Variants in XKR5 observed in about 807,000 individuals in gnomAD.
XKR5 encodes the protein XK-related protein 5.
XKR5 carries 46 observed loss-of-function variants against 40.8 expected under a neutral mutation model. That is an observed-to-expected ratio of 1.13 (90% confidence interval 0.89 to 1.44). The LOEUF (loss-of-function observed/expected upper bound fraction) is 1.44. Ranked by LOEUF, XKR5 falls within the 40% of genes most tolerant of loss-of-function variation. The pLI is 0.00. For missense variants in XKR5, 1,169 were observed against 844.7 expected (o/e 1.38, Z -4.76); for synonymous variants, 466 against 356.1 (o/e 1.31, Z -3.48).
At chr8:6,818,902 T>G (rs1321353196) in intron 5 of XKR5, among the ~76,000 whole-genome samples, 2 of 152,146 alleles carry the variant, frequency 1.3e-5, no homozygotes, top group South Asian at 4.2e-4. Flanking sequence ...ATTAACCAGG[T>G]ATGGTGGTAT....
intron 4 of XKR5, 81 bp from the exon 5 acceptor site, chr8:6,822,119 G>T: frequency 2.1e-6 from 3 of 1,413,482 alleles, no homozygotes; most frequent in Non-Finnish European, 9.4e-7. Flanking sequence ...CCAGGGGCTG[G>T]AAGGCTCTCC....
chr8:6,827,312 T>A (rs1173152448), intron 2 of XKR5, among the ~76,000 whole-genome samples: 1 of 152,164 alleles, frequency 6.6e-6, no homozygotes, highest in South Asian at 2.1e-4. Flanking sequence ...GAACTAGAGG[T>A]CACTTCAATT....
chr8:6,827,190 C>G (rs913043837), intron 2 of XKR5, among the ~76,000 whole-genome samples: 3 of 152,158 alleles, frequency 2.0e-5, no homozygotes, highest in Non-Finnish European at 4.4e-5. Flanking sequence ...CCACCAATTC[C>G]TCTCTGGGTC....
intron 4 of XKR5, 42 bp downstream of exon 4, chr8:6,823,479 G>T (rs1425301446): frequency 3.2e-6 from 5 of 1,543,456 alleles, no homozygotes; most frequent in East Asian, 2.4e-5. Context: ...TGGGTTGATT[G>T]GTTATGCAGC....
intron 2 of XKR5, among the ~76,000 whole-genome samples, chr8:6,832,131 T>C (rs1244825979): frequency 6.6e-6 from 1 of 152,046 alleles, no homozygotes; most frequent in Non-Finnish European, 1.5e-5. Flanking sequence ...TCATAGCTCC[T>C]TGAATCCAGG....
At position 6,811,040 on chromosome 8, in the gene XKR5, AG is replaced by A; in HGVS notation, c.*157del. The A allele has an allele frequency of 3.1e-6, 2 of 647,484 alleles. No individual in the cohort carries two copies. The highest frequency in any genetic ancestry group is 4.6e-5 in the South Asian group (2 of 43,020). 40.1% of individuals were successfully genotyped at this position (647,484 alleles called of 1,614,324 possible). Reference sequence around the variant, plus strand: ...TTGCATTGGACCTGCAAAATCATCCAGCCCTGTTTCTTCATTTTTCAGGGAT... The same window carrying A: ...TTGCATTGGACCTGCAAAATCATCCACCCTGTTTCTTCATTTTTCAGGGAT... On this transcript the variant is annotated 3_prime_UTR_variant, in exon 7 of 7. Transcript: ENST00000618742.
rs1437236273 is a variant in XKR5, at chr8:6,823,691, G to A, written c.467C>T (p.Ala156Val). ...TLFSWSSLSW[A>V]LVSYTRFMGF... ...CATGAAGCGAGTGTAGGACACCAGT[G>A]CCCAGGAGAGTGAGGACCAGGAAAA... Residue 156 changes from alanine to valine, a missense_variant, in exon 4 of 7, where the codon GCA (alanine) becomes GTA (valine). By Grantham distance (64) the Ala-to-Val change is moderately conservative. Transcript: ENST00000618742. 1.9e-6 allele frequency: 3 copies of A among 1,589,354 alleles called. No homozygotes were observed. The highest frequency in any genetic ancestry group is 2.3e-5 in the East Asian group (1 of 43,630).
At chr8:6,817,914 A>G (rs1169410964) in intron 5 of XKR5, among the ~76,000 whole-genome samples, 1 of 152,144 alleles carries the variant, frequency 6.6e-6, no homozygotes, top group Non-Finnish European at 1.5e-5. Flanking sequence ...GCGCCAATGA[A>G]CAAACACAGA....
In XKR5 at chr8:6,811,213, C is replaced by A; in HGVS notation, c.2046G>T (p.Pro682=). 3 of 1,535,168 alleles carry A rather than the reference C, an allele frequency of 2.0e-6. No individual in the cohort carries two copies. Among genetic ancestry groups the A allele is most frequent in the Non-Finnish European group, 2.6e-6 (3 of 1,145,462 alleles). ...ATGACTGTGGTCAGATGAAAAAACT[C>A]GGCTCTTGCTTCATCTGTTCCCTGC... ...CSCREQMKQE[P]SFFI Residue 682 remains proline (P), a synonymous_variant, in exon 7 of 7, where the codon CCG becomes CCT. Coordinates refer to ENST00000618742, the MANE Select transcript of XKR5 (RefSeq NM_207411.5).
At chr8:6,835,288 A>T (rs1804962667) in intron 1 of XKR5, 148 bp downstream of exon 1, 2 of 729,514 alleles carry the variant, frequency 2.7e-6, no homozygotes, top group South Asian at 2.9e-5. Flanking sequence ...TGCAGGTGGG[A>T]TGGCCACCAC....
At chr8:6,824,369 G>GAGGGAA (rs1034292065) in intron 3 of XKR5, among the ~76,000 whole-genome samples, 2 of 151,992 alleles carry the variant, frequency 1.3e-5, no homozygotes, top group Non-Finnish European at 2.9e-5. Context: ...GGGAGAGGGA[G>GAGGGAA]AGGGAAACAA....
intron 5 of XKR5, among the ~76,000 whole-genome samples, chr8:6,820,637 T>C (rs1804187977): frequency 6.6e-6 from 1 of 152,222 alleles, no homozygotes; most frequent in South Asian, 2.1e-4. Flanking sequence ...TGCTCATGCA[T>C]GACCTGGGCC....
rs1803626030 is a variant in XKR5, at chr8:6,810,389, G to T, written c.*809C>A. On this transcript the variant is annotated 3_prime_UTR_variant, in exon 7 of 7. Transcript: ENST00000618742. ...TAGTGTCTCACATTGAATGGAAGTG[G>T]GAACAAAGCTTGGACATAAAGGAGA... 1.3e-5 allele frequency: 2 copies of T among 152,270 alleles called. 1 individual carries two copies. The highest frequency in any genetic ancestry group is 4.1e-4 in the South Asian group (2 of 4,826). 9.4% of individuals were successfully genotyped at this position (152,270 alleles called of 1,614,324 possible). A position where few individuals can be genotyped will look rare whatever the true frequency, so the allele number is the denominator to read the frequency against.
In XKR5 at chr8:6,829,372, G is replaced by C. The variant is rs535235792; in HGVS notation, c.242+3345C>G. The C allele has an allele frequency of 1.8e-5, 3 of 168,332 alleles. No individual in the cohort carries two copies. The South Asian group carries it at 6.1e-4, about 34-fold the overall frequency. The allele number at this position is 168,332 out of a possible 1,614,324, so 10.4% of individuals were successfully genotyped here. A position where few individuals can be genotyped will look rare whatever the true frequency, so the allele number is the denominator to read the frequency against. On this transcript the variant is annotated intron_variant, in intron 2 of 6. Coordinates refer to ENST00000618742, the MANE Select transcript of XKR5 (RefSeq NM_207411.5). The stretch of plus-strand genomic sequence containing the variant: ...ATTAAAGTGTAAGTAAAAAACCTAA[G>C]TAGAAGAAAGTAATGGTCTTTGTTT...
chr8:6,827,360 G>A (rs1344326404), intron 2 of XKR5, among the ~76,000 whole-genome samples: 1 of 152,152 alleles, frequency 6.6e-6, no homozygotes, highest in South Asian at 2.1e-4. Flanking sequence ...CATCTCGAAG[G>A]TCACCTGCAA....
At chr8:6,834,809 C>A (rs895326926) in intron 1 of XKR5, among the ~76,000 whole-genome samples, 10 of 151,604 alleles carry the variant, frequency 6.6e-5, no homozygotes, top group African/African-American at 2.4e-4. Flanking sequence ...CCATCTTGCT[C>A]CGCCGCGGCT....
At chr8:6,819,508 T>A (rs1010106361) in intron 5 of XKR5, among the ~76,000 whole-genome samples, 12 of 152,150 alleles carry the variant, frequency 7.9e-5, no homozygotes, top group Admixed American at 2.6e-4. Context: ...GCTGGGGGTG[T>A]TGAGGAACAG....
rs757798320 is a variant in XKR5 at position 6,832,894 on chromosome 8, T to A, written c.65A>T (p.Tyr22Phe). Residue 22 changes from tyrosine to phenylalanine, a missense_variant, in exon 2 of 7, where the codon TAC becomes TTC. Transcript: ENST00000618742. ...LQAAEQSARL[Y>F]TVAYYFTTGR... The stretch of plus-strand genomic sequence containing the variant: ...TGTGGTGAAGTAGTAAGCCACGGTG[T>A]AAAGGCCTGGGTGAGAAGGGGAAAG... 2 of 1,583,998 alleles carry A rather than the reference T, an allele frequency of 1.3e-6. No individual in the cohort carries two copies. Among genetic ancestry groups the A allele is most frequent in the East Asian group, 2.3e-5 (1 of 43,760 alleles).
chr8:6,820,993 G>T (rs1161297979), intron 5 of XKR5, among the ~76,000 whole-genome samples: 2 of 152,090 alleles, frequency 1.3e-5, no homozygotes, highest in Non-Finnish European at 2.9e-5. Context: ...TATTTTATTT[G>T]GTCTTTACAG....
Sources: allele counts gnomAD v4.1 joint callset (sites outside exome capture counted in the v4.1 genomes callset), GRCh38; gene constraint gnomAD v4.1.1; transcripts MANE v1.5; gene names NCBI Gene and HGNC (gene_info 2026-07-23, HGNC 2026-07-21).